Variants in PNPLA4 observed in about 807,000 individuals in gnomAD.
The protein encoded by PNPLA4 is patatin like domain 4, phospholipase and triacylglycerol lipase.
Under a neutral mutation model 18.3 loss-of-function variants are expected in PNPLA4, and 15 were observed. That is an observed-to-expected ratio of 0.82 (90% CI 0.55 to 1.26). The LOEUF is 1.26. PNPLA4 is among the 50% of genes most tolerant of loss of function. The pLI, the probability that PNPLA4 is intolerant of heterozygous loss-of-function variation, is 0.00. For missense variants in PNPLA4, 229 were observed against 196.8 expected (o/e 1.16, Z -0.98); for synonymous variants, 88 against 85.6 (o/e 1.03, Z -0.16).
In PNPLA4 at chrX:7,922,017, T is replaced by C. The variant is rs756679236; in HGVS notation, c.262A>G (p.Met88Val). 4 of 1,204,431 alleles carry C rather than the reference T, an allele frequency of 3.3e-6. No homozygotes were observed. In the African/African-American group the frequency reaches 5.3e-5, roughly 16 times the overall value. Residue 88 changes from methionine to valine, a missense_variant, in exon 3 of 7, where the codon ATG becomes GTG. Coordinates refer to ENST00000381042, the MANE Select transcript of PNPLA4 (RefSeq NM_004650.3). Reference protein sequence around the residue: ...FGAVTPGYDFMARLRSGMESI... With the variant: ...FGAVTPGYDFVARLRSGMESI... ...TACTCTGTATACCTTAGTCGGGCCA[T>C]GAAGTCATAACCGGGCGTTACTGCC...
intron 2 of PNPLA4, among the ~76,000 whole-genome samples, chrX:7,924,191 C>T (rs1387751638): frequency 2.7e-5 from 3 of 111,902 alleles, no homozygotes; most frequent in East Asian, 2.8e-4. Flanking sequence ...TGAGCTCTTC[C>T]ACATCAATGT....
intron 4 of PNPLA4, among the ~76,000 whole-genome samples, chrX:7,921,326 AGAAGGACTT>A (rs1305135112): frequency 8.9e-6 from 1 of 112,202 alleles, no homozygotes; most frequent in Non-Finnish European, 1.9e-5. Context: ...CTTGATTTAC[AGAAGGACTT>A]GAAGGACTGA....
rs753786194 is a variant in PNPLA4 at position 7,921,874 on chromosome X, TACTC to T, written c.276-30_276-27del. ...CTAAAGAAGAAAAAGCAATCTGAATTACTCACCTTTAATTATTGAACTCCCTGTA... is the reference window on the plus strand; with the variant it reads ...CTAAAGAAGAAAAAGCAATCTGAATTACCTTTAATTATTGAACTCCCTGTA... On this transcript the variant is annotated intron_variant, in intron 3 of 6. Transcript: ENST00000381042. 12 of 1,181,038 alleles carry T rather than the reference TACTC, an allele frequency of 1.0e-5. No homozygotes were observed. The East Asian group carries it at 1.5e-4, about 15-fold the overall frequency.
At chrX:7,910,549 G>A (rs955090461) in intron 5 of PNPLA4, among the ~76,000 whole-genome samples, 3 of 109,564 alleles carry the variant, frequency 2.7e-5, no homozygotes, top group African/African-American at 9.9e-5. Context: ...TCTGATATAT[G>A]CTAAATAGAT....
At chrX:7,923,250 T>C (rs1924289961) in intron 2 of PNPLA4, among the ~76,000 whole-genome samples, 1 of 111,568 alleles carries the variant, frequency 9.0e-6, no homozygotes, top group Admixed American at 9.5e-5. Flanking sequence ...AGGCCCAATA[T>C]CATCACAAGG....
intron 4 of PNPLA4, among the ~76,000 whole-genome samples, chrX:7,912,719 C>T (rs768726398): frequency 4.5e-5 from 5 of 112,326 alleles, no homozygotes; most frequent in African/African-American, 1.6e-4. Context: ...GCTCTGATAG[C>T]TTTTCTGAAA....
Position 7,921,735 on chromosome X carries a change from GA to G in PNPLA4, c.388del (p.Ser130ProfsTer11). Reference protein sequence around the residue: ...TRENHLVSTFSSREDLIKVLL... With the variant: ...TRENHLVSTFXSREDLIKVLL... ...TACCTTAATGAGGTCCTCCCTGGAG[GA>G]AAAAGTGGAGACTAAGTGATTTTCT... On this transcript the variant is annotated frameshift_variant, in exon 4 of 7. Coordinates refer to ENST00000381042, the MANE Select transcript of PNPLA4 (RefSeq NM_004650.3). 8.3e-7 allele frequency: 1 copy of G among 1,206,861 alleles called. No individual in the cohort carries two copies. The highest frequency in any genetic ancestry group is 1.1e-6 in the Non-Finnish European group (1 of 892,130).
At chrX:7,906,434 A>G (rs775587656) in intron 5 of PNPLA4, among the ~76,000 whole-genome samples, 4 of 112,225 alleles carry the variant, frequency 3.6e-5, no homozygotes, top group Admixed American at 1.9e-4. Context: ...GTGAAGGATG[A>G]TTAAAAATGA....
At chrX:7,917,530 T>G (rs1175893124) in intron 4 of PNPLA4, among the ~76,000 whole-genome samples, 5 of 112,143 alleles carry the variant, frequency 4.5e-5, no homozygotes, top group African/African-American at 1.3e-4. Flanking sequence ...GGGGTGTGTG[T>G]GGGTTATTAT....
At chrX:7,904,191 C>T (rs1350941414) in intron 5 of PNPLA4, among the ~76,000 whole-genome samples, 1 of 112,010 alleles carries the variant, frequency 8.9e-6, no homozygotes, top group African/African-American at 3.2e-5. Context: ...ATACAGGTTT[C>T]ATCAAGAAAA....
chrX:7,920,763 T>C (rs962793912), intron 4 of PNPLA4, among the ~76,000 whole-genome samples: 15 of 112,384 alleles, frequency 1.3e-4, no homozygotes, highest in African/African-American at 4.9e-4. Context: ...CCAGCTGAAG[T>C]ATTTCCCAGA....
intron 2 of PNPLA4, 43 bp downstream of exon 2, chrX:7,925,897 A>G (rs751444402): frequency 2.6e-6 from 3 of 1,133,456 alleles, no homozygotes; most frequent in Non-Finnish European, 3.6e-6. Flanking sequence ...TTTGGGTCTT[A>G]ATTTCTTGAT....
At chrX:7,916,983 T>C (rs1434994568) in intron 4 of PNPLA4, among the ~76,000 whole-genome samples, 1 of 112,238 alleles carries the variant, frequency 8.9e-6, no homozygotes, top group East Asian at 2.8e-4. Flanking sequence ...AGGGGAATGG[T>C]TGGCACCAAT....
Position 7,923,954 on chromosome X carries a change from G to C in PNPLA4, c.181-1856C>G, listed in dbSNP as rs1271237181. ...TGATATAGGCTGTGGGAAGCTCCTG[G>C]GTGAGAAATGGGGGTAGCCCCACCA... On this transcript the variant is annotated intron_variant, in intron 2 of 6. Transcript: ENST00000381042. Among the ~76,000 whole-genome samples the C allele has an allele frequency of 2.7e-5, 3 of 111,412 alleles. No individual in the cohort carries two copies. In the East Asian group the frequency reaches 8.4e-4, roughly 31 times the overall value.
intron 4 of PNPLA4, among the ~76,000 whole-genome samples, chrX:7,914,931 G>GT (rs1204710879): frequency 1.2e-4 from 13 of 111,833 alleles, no homozygotes; most frequent in Non-Finnish European, 2.3e-4. Context: ...CCAAATCAAT[G>GT]TATTTGTTTT....
intron 4 of PNPLA4, among the ~76,000 whole-genome samples, chrX:7,914,739 G>GT (rs371953450): frequency 1.7e-4 from 18 of 107,338 alleles, no homozygotes; most frequent in African/African-American, 3.4e-4. Context: ...TTAGAATTAT[G>GT]TTTTTTTTTT....
chrX:7,922,030 G>A lies in PNPLA4; in HGVS notation c.249C>T (p.Pro83=), dbSNP rs745454280. ...TTAGTCGGGCCATGAAGTCATAACCGGGCGTTACTGCCCCGAAAGACTGCC... is the reference window on the plus strand; with the variant it reads ...TTAGTCGGGCCATGAAGTCATAACCAGGCGTTACTGCCCCGAAAGACTGCC... The part of the protein sequence containing the change: ...IRRQSFGAVT[P]GYDFMARLRS... The change falls in exon 3 of 7, where the codon CCC becomes CCT. Residue 83 remains proline (P), a synonymous_variant. Transcript: ENST00000381042. 2 of 1,205,879 alleles carry A rather than the reference G, an allele frequency of 1.7e-6. No homozygotes were observed. Among genetic ancestry groups the A allele is most frequent in the East Asian group, 3.0e-5 (1 of 33,726 alleles).
intron 5 of PNPLA4, among the ~76,000 whole-genome samples, chrX:7,902,664 ATT>A (rs1206115207): frequency 8.9e-6 from 1 of 112,166 alleles, no homozygotes; most frequent in Non-Finnish European, 1.9e-5. Context: ...CAAAGCACAC[ATT>A]CCTCAGTAGG....
chrX:7,917,692 G>A (rs958442789), intron 4 of PNPLA4, among the ~76,000 whole-genome samples: 2 of 111,962 alleles, frequency 1.8e-5, no homozygotes, highest in Non-Finnish European at 3.8e-5. Flanking sequence ...TTTCAGAGAT[G>A]AGAAAACTGA....
Sources: allele counts gnomAD v4.1 joint callset (sites outside exome capture counted in the v4.1 genomes callset), GRCh38; gene constraint gnomAD v4.1.1; transcripts MANE v1.5; gene names NCBI Gene and HGNC (gene_info 2026-07-23, HGNC 2026-07-21).